SLC35F1: variants seen among roughly 807,000 people sequenced by gnomAD.
SLC35F1 encodes solute carrier family 35 member F1.
SLC35F1 carries 14 observed loss-of-function variants against 48.7 expected under a neutral mutation model. That is an observed-to-expected ratio of 0.29 (90% CI 0.19 to 0.45). The LOEUF is 0.45. SLC35F1 is among the 20% of genes least tolerant of loss of function. The pLI, the probability that SLC35F1 is intolerant of heterozygous loss-of-function variation, is 1.00. For missense variants in SLC35F1, 404 were observed against 500.0 expected (o/e 0.81, Z 1.83); for synonymous variants, 190 against 202.2 (o/e 0.94, Z 0.51).
intron 3 of SLC35F1, among the ~76,000 whole-genome samples, chr6:118,242,379 T>A (rs1202834728): frequency 6.6e-6 from 1 of 152,156 alleles, no homozygotes; most frequent in African/African-American, 2.4e-5. Context: ...AATCTGAAGC[T>A]AAAAAAGTTA....
intron 1 of SLC35F1, among the ~76,000 whole-genome samples, chr6:117,992,813 T>G (rs1453334194): frequency 1.3e-5 from 2 of 152,224 alleles, no homozygotes; most frequent in Non-Finnish European, 2.9e-5. Flanking sequence ...TTTCCAGCAG[T>G]CATCAGTATC....
At chr6:117,990,763 G>A (rs929205972) in intron 1 of SLC35F1, among the ~76,000 whole-genome samples, 2 of 152,148 alleles carry the variant, frequency 1.3e-5, no homozygotes, top group Admixed American at 6.5e-5. Flanking sequence ...TTAGAGATTA[G>A]GGGTATTAAT....
rs530274726 is a variant in SLC35F1, at chr6:118,091,415, G to A, written c.174-63030G>A. On this transcript the variant is annotated intron_variant, in intron 1 of 7. Transcript: ENST00000360388. ...CTTGTGATAATGAACAAGTCTCATG[G>A]GATCTGATGGTTTTATGAAGGGCAG... 3.3e-5 allele frequency among the ~76,000 whole-genome samples: 5 copies of A among 152,272 alleles called. No individual in the cohort carries two copies. In the South Asian group the frequency reaches 1.0e-3, roughly 32 times the overall value.
chr6:118,137,794 A>T (rs1470558991), intron 1 of SLC35F1, among the ~76,000 whole-genome samples: 4 of 152,066 alleles, frequency 2.6e-5, no homozygotes, highest in Non-Finnish European at 4.4e-5. Context: ...GAGGGGGTGG[A>T]TCTAGGTCCC....
At chr6:118,305,508 A>G in intron 7 of SLC35F1, among the ~76,000 whole-genome samples, 1 of 152,230 alleles carries the variant, frequency 6.6e-6, no homozygotes, top group South Asian at 2.1e-4. Flanking sequence ...ATAATACTTA[A>G]TATCTAAATA....
At chr6:117,975,005 T>C (rs1776688189) in intron 1 of SLC35F1, among the ~76,000 whole-genome samples, 1 of 152,208 alleles carries the variant, frequency 6.6e-6, no homozygotes, top group African/African-American at 2.4e-5. Context: ...TTTTGAAGGT[T>C]TGGACTTCTT....
chr6:117,990,936 A>G (rs958552064), intron 1 of SLC35F1, among the ~76,000 whole-genome samples: 1 of 152,156 alleles, frequency 6.6e-6, no homozygotes, highest in African/African-American at 2.4e-5. Flanking sequence ...GATTTGTTCA[A>G]CTTTTGAGGA....
At chr6:117,964,887 T>C (rs1289225074) in intron 1 of SLC35F1, among the ~76,000 whole-genome samples, 1 of 152,224 alleles carries the variant, frequency 6.6e-6, no homozygotes, top group Admixed American at 6.5e-5. Flanking sequence ...TTCATTTCTC[T>C]GACTGACTAA....
chr6:118,196,291 A>G (rs1315351511), intron 2 of SLC35F1, among the ~76,000 whole-genome samples: 1 of 152,180 alleles, frequency 6.6e-6, no homozygotes, highest in Non-Finnish European at 1.5e-5. Context: ...TCTACCTATT[A>G]AGTTAGATTG....
At chr6:118,085,911 A>G (rs1459941688) in intron 1 of SLC35F1, among the ~76,000 whole-genome samples, 1 of 152,096 alleles carries the variant, frequency 6.6e-6, no homozygotes, top group African/African-American at 2.4e-5. Context: ...TAGTGGTTCT[A>G]TGCTGACTTC....
At chr6:117,925,731 G>A (rs1302703828) in intron 1 of SLC35F1, among the ~76,000 whole-genome samples, 1 of 152,108 alleles carries the variant, frequency 6.6e-6, no homozygotes, top group Admixed American at 6.6e-5. Context: ...TCGAGTGTGT[G>A]ATGTGCAGGG....
At chr6:118,216,977 G>A (rs1394041775) in intron 2 of SLC35F1, among the ~76,000 whole-genome samples, 1 of 152,106 alleles carries the variant, frequency 6.6e-6, no homozygotes, top group Non-Finnish European at 1.5e-5. Context: ...GTCATGCAAT[G>A]GCCTGAGGCT....
intron 1 of SLC35F1, among the ~76,000 whole-genome samples, chr6:118,032,624 T>G (rs1345606684): frequency 6.6e-6 from 1 of 152,236 alleles, no homozygotes; most frequent in Non-Finnish European, 1.5e-5. Flanking sequence ...CAACTTGATT[T>G]AACTGTTACA....
rs114625775 is a variant in SLC35F1, at chr6:118,124,379, A to G, written c.174-30066A>G. 4.0e-3 allele frequency among the ~76,000 whole-genome samples: 614 copies of G among 152,314 alleles called. 5 individuals carry two copies. The highest frequency in any genetic ancestry group is 0.014 in the African/African-American group (573 of 41,576). On this transcript the variant is annotated intron_variant, in intron 1 of 7. Coordinates refer to ENST00000360388, the MANE Select transcript of SLC35F1 (RefSeq NM_001029858.4). ...TGATTGACTTGGTTTAAAAGATAAAATCATGGAAGTGCTAGGGTAATAATT... is the reference window on the plus strand; with the variant it reads ...TGATTGACTTGGTTTAAAAGATAAAGTCATGGAAGTGCTAGGGTAATAATT...
intron 1 of SLC35F1, among the ~76,000 whole-genome samples, chr6:117,922,636 C>T (rs969480239): frequency 6.6e-6 from 1 of 152,172 alleles, no homozygotes; most frequent in African/African-American, 2.4e-5. Context: ...TGAAATCAAT[C>T]ACAGAGAAGG....
At chr6:118,081,007 T>C (rs1222460007) in intron 1 of SLC35F1, among the ~76,000 whole-genome samples, 1 of 152,164 alleles carries the variant, frequency 6.6e-6, no homozygotes, top group African/African-American at 2.4e-5. Flanking sequence ...GGAGAACCCT[T>C]GTCTAAACCT....
chr6:118,231,878 G>T (rs1775297005), intron 2 of SLC35F1, among the ~76,000 whole-genome samples: 1 of 152,210 alleles, frequency 6.6e-6, no homozygotes, highest in Non-Finnish European at 1.5e-5. Flanking sequence ...GAATTGCAGT[G>T]TGAAGGTTAA....
intron 7 of SLC35F1, among the ~76,000 whole-genome samples, chr6:118,290,399 C>T (rs1046165867): frequency 1.3e-5 from 2 of 151,820 alleles, no homozygotes; most frequent in African/African-American, 2.4e-5. Context: ...TGCTGTATTT[C>T]GTCTTCCCCT....
At position 118,291,274 on chromosome 6, in the gene SLC35F1, CACACACACACAT is replaced by C. The variant is rs1260075585; in HGVS notation, c.1002+5938_1002+5949del. On this transcript the variant is annotated intron_variant, in intron 7 of 7. Coordinates refer to ENST00000360388, the MANE Select transcript of SLC35F1 (RefSeq NM_001029858.4). ...ACACACACACACACACACACACACA[CACACACACACAT>C]ATATAATAACTTTGGGAAAAGCTGT... Among the ~76,000 whole-genome samples the C allele has an allele frequency of 3.8e-4, 55 of 143,540 alleles. No homozygotes were observed. In the East Asian group the frequency reaches 8.2e-3, roughly 21 times the overall value. The allele number at this position is 143,540 out of a possible 152,430, so 94.2% of individuals were successfully genotyped here.
Sources: gnomAD v4.1 joint callset for allele counts (sites outside exome capture counted in the v4.1 genomes callset) on GRCh38, gnomAD v4.1.1 for gene constraint, MANE v1.5 for transcripts, NCBI Gene and HGNC (gene_info 2026-07-23, HGNC 2026-07-21) for gene names.